The following PLD5 variants were observed in gnomAD, a reference collection of about 807,000 sequenced individuals.
PLD5 encodes the protein phospholipase D family member 5.
In PLD5, 36 loss-of-function variants were observed where a neutral mutation model predicts 61.1. The observed-to-expected ratio is 0.59, with a 90% confidence interval of 0.45 to 0.78. The LOEUF (loss-of-function observed/expected upper bound fraction) is 0.78, where lower values mean the gene tolerates loss of function less well. PLD5 is among the 30% of genes least tolerant of loss of function. The pLI is 0.00. For missense variants in PLD5, 515 were observed against 644.4 expected, an observed-to-expected ratio of 0.80 and a Z score of 2.17; for synonymous variants, 243 against 242.8, an observed-to-expected ratio of 1.00 and a Z score of -0.01.
At chr1:242,234,876 T>TA (rs1671536713) in intron 4 of PLD5, among the ~76,000 whole-genome samples, 1 of 152,102 alleles carries the variant, frequency 6.6e-6, no homozygotes, top group East Asian at 1.9e-4. Context: ...ATGGCATCTC[T>TA]AGTTAGTTCC....
At chr1:242,441,167 C>A (rs34975424) in intron 1 of PLD5, among the ~76,000 whole-genome samples, 6,503 of 152,100 alleles carry the variant, frequency 0.043, 181 homozygotes, top group Admixed American at 0.082. Flanking sequence ...ATGGTGCTAG[C>A]CATCAAGAGT....
At chr1:242,158,449 C>G (rs913533715) in intron 5 of PLD5, among the ~76,000 whole-genome samples, 1 of 152,136 alleles carries the variant, frequency 6.6e-6, no homozygotes, top group South Asian at 2.1e-4. Context: ...GGGTAGGCAC[C>G]AGAGGGAATC....
At chr1:242,384,468 C>A (rs746083558) in intron 1 of PLD5, among the ~76,000 whole-genome samples, 2 of 152,230 alleles carry the variant, frequency 1.3e-5, no homozygotes, top group Non-Finnish European at 2.9e-5. Context: ...CCAAAAATTT[C>A]TGCTTCATCC....
chr1:242,353,816 G>A (rs1329071233), intron 1 of PLD5, among the ~76,000 whole-genome samples: 102 of 151,640 alleles, frequency 6.7e-4, no homozygotes, highest in Non-Finnish European at 4.4e-5. Context: ...ATACTTTTTG[G>A]TGTAAAAGTC....
chr1:242,474,569 A>G (rs192329022), intron 1 of PLD5, among the ~76,000 whole-genome samples: 1 of 152,210 alleles, frequency 6.6e-6, no homozygotes, highest in East Asian at 1.9e-4. Context: ...TCCTACATCC[A>G]TCTCCATGTA....
chr1:242,294,633 C>A (rs1025664854), intron 2 of PLD5, among the ~76,000 whole-genome samples: 3 of 152,148 alleles, frequency 2.0e-5, no homozygotes, highest in Non-Finnish European at 4.4e-5. Flanking sequence ...GTGTGACCTT[C>A]AACAAATTAC....
intron 7 of PLD5, among the ~76,000 whole-genome samples, chr1:242,113,371 G>A (rs1315559814): frequency 1.3e-5 from 2 of 152,144 alleles, no homozygotes. Context: ...GGGATTACAG[G>A]CGTGAGCCAC....
chr1:242,237,369 G>T (rs746046314), intron 4 of PLD5, among the ~76,000 whole-genome samples: 1 of 152,124 alleles, frequency 6.6e-6, no homozygotes, highest in Non-Finnish European at 1.5e-5. Flanking sequence ...GGCTTCAGGT[G>T]CCAGTTCTCA....
intron 5 of PLD5, among the ~76,000 whole-genome samples, chr1:242,166,629 T>C (rs1040725407): frequency 5.9e-5 from 9 of 152,224 alleles, no homozygotes; most frequent in African/African-American, 2.2e-4. Flanking sequence ...CAGCAAGTGA[T>C]TTTTCCACCT....
chr1:242,456,130 A>G (rs1039834857), intron 1 of PLD5, among the ~76,000 whole-genome samples: 4 of 152,160 alleles, frequency 2.6e-5, no homozygotes, highest in African/African-American at 7.2e-5. Flanking sequence ...CCTGACCCCA[A>G]CCAAGGTTGG....
Position 242,090,112 on chromosome 1 carries a change from T to C in PLD5, c.1355-2A>G. The C allele has an allele frequency of 6.2e-7, 1 of 1,613,534 alleles. No individual in the cohort carries two copies. Among genetic ancestry groups the C allele is most frequent in the Non-Finnish European group, 8.5e-7 (1 of 1,179,542 alleles). ...CATTCCCTACCCAATCAAAATTTCC[T>C]GCAAACAAACAAAGAAATAATGTTG... On this transcript the variant is annotated splice_acceptor_variant, in intron 9 of 9. Transcript: ENST00000536534. LOFTEE classifies it high-confidence loss of function.
intron 2 of PLD5, among the ~76,000 whole-genome samples, chr1:242,299,025 G>GAAA (rs142086967): frequency 1.4e-5 from 2 of 141,504 alleles, no homozygotes; most frequent in Non-Finnish European, 1.5e-5. Context: ...CAGGTGATTG[G>GAAA]AAAAAAAAAA....
At chr1:242,373,742 T>G (rs562964726) in intron 1 of PLD5, among the ~76,000 whole-genome samples, 2 of 151,930 alleles carry the variant, frequency 1.3e-5, no homozygotes, top group South Asian at 4.2e-4. Context: ...TAGGTGGGAA[T>G]TGAACAATGA....
intron 1 of PLD5, among the ~76,000 whole-genome samples, chr1:242,503,137 A>C (rs1668610774): frequency 6.6e-6 from 1 of 152,152 alleles, no homozygotes; most frequent in Non-Finnish European, 1.5e-5. Flanking sequence ...TATGGTTTGG[A>C]TCTGTGTCCT....
At chr1:242,373,210 C>T (rs1023675425) in intron 1 of PLD5, among the ~76,000 whole-genome samples, 1 of 152,204 alleles carries the variant, frequency 6.6e-6, no homozygotes, top group Non-Finnish European at 1.5e-5. Flanking sequence ...TGCTCATCAT[C>T]ACTGGCTATC....
At chr1:242,314,201 G>A (rs547729097) in intron 2 of PLD5, among the ~76,000 whole-genome samples, 1 of 152,296 alleles carries the variant, frequency 6.6e-6, no homozygotes, top group African/African-American at 2.4e-5. Context: ...CGTGATGATG[G>A]CTCAGAAACC....
At chr1:242,346,652 G>A (rs1459620860) in intron 2 of PLD5, among the ~76,000 whole-genome samples, 1 of 151,998 alleles carries the variant, frequency 6.6e-6, no homozygotes, top group Non-Finnish European at 1.5e-5. Context: ...TTTATTTCCA[G>A]CTTTTAAGTT....
At chr1:242,342,886 T>C (rs1294731275) in intron 2 of PLD5, among the ~76,000 whole-genome samples, 1 of 152,078 alleles carries the variant, frequency 6.6e-6, no homozygotes, top group Non-Finnish European at 1.5e-5. Context: ...TATGATAAAA[T>C]TATCCACTAT....
intron 1 of PLD5, among the ~76,000 whole-genome samples, chr1:242,440,242 C>T (rs1666209385): frequency 6.6e-6 from 1 of 152,078 alleles, no homozygotes; most frequent in Admixed American, 6.5e-5. Context: ...TAGGCAGTAG[C>T]ATGATTTCGA....
Sources: gnomAD v4.1 joint callset for allele counts (sites outside exome capture counted in the v4.1 genomes callset) on GRCh38, gnomAD v4.1.1 for gene constraint, MANE v1.5 for transcripts, NCBI Gene and HGNC (gene_info 2026-07-23, HGNC 2026-07-21) for gene names.